The following RASAL2 variants were observed in gnomAD, a reference collection of about 807,000 sequenced individuals.
The protein encoded by RASAL2 is RAS protein activator like 2, also known as ras GTPase-activating protein nGAP.
Under a neutral mutation model 128.9 loss-of-function variants are expected in RASAL2, and 58 were observed. That is an observed-to-expected ratio of 0.45 (90% CI 0.36 to 0.56). The LOEUF is 0.56. RASAL2 is among the 20% of genes least tolerant of loss of function. RASAL2 has a pLI of 0.00. For synonymous variants in RASAL2, 561 were observed against 580.8 expected, an observed-to-expected ratio of 0.97 and a Z score of 0.49; for missense variants, 1,360 against 1,601.6, an observed-to-expected ratio of 0.85 and a Z score of 2.57.
intron 3 of RASAL2, among the ~76,000 whole-genome samples, chr1:178,328,795 A>G (rs1669157734): frequency 6.6e-6 from 1 of 152,186 alleles, no homozygotes; most frequent in African/African-American, 2.4e-5. Flanking sequence ...ATGACTTTAA[A>G]TCCACCTTAC....
chr1:178,224,224 A>T (rs1446412480), intron 1 of RASAL2, among the ~76,000 whole-genome samples: 4 of 143,316 alleles, frequency 2.8e-5, no homozygotes, highest in African/African-American at 7.6e-5. Context: ...GAAAACTAGA[A>T]TTTTTTTTTT....
chr1:178,166,089 T>C (rs916366431), intron 1 of RASAL2, among the ~76,000 whole-genome samples: 1 of 152,158 alleles, frequency 6.6e-6, no homozygotes, highest in Admixed American at 6.6e-5. Flanking sequence ...CAAAGCCAAA[T>C]TGATTGTTTC....
chr1:178,097,322 A>G (rs1344007693), intron 1 of RASAL2, among the ~76,000 whole-genome samples: 1 of 152,050 alleles, frequency 6.6e-6, no homozygotes, highest in East Asian at 1.9e-4. Context: ...AAGTTGTCTG[A>G]TTCTGTGGCT....
At chr1:178,249,019 C>T (rs549694703) in intron 1 of RASAL2, among the ~76,000 whole-genome samples, 31 of 152,032 alleles carry the variant, frequency 2.0e-4, no homozygotes, top group East Asian at 5.8e-4. Flanking sequence ...TATGTGTCTT[C>T]GGGTTGCTCT....
intron 3 of RASAL2, chr1:178,372,323 G>A (rs1671765874): frequency 1.7e-5 from 17 of 985,272 alleles, no homozygotes; most frequent in South Asian, 4.7e-5. Flanking sequence ...TCATTTCTGG[G>A]TACGGTAGGG....
intron 1 of RASAL2, among the ~76,000 whole-genome samples, chr1:178,163,788 T>C (rs1436642924): frequency 6.6e-6 from 1 of 152,214 alleles, no homozygotes; most frequent in Non-Finnish European, 1.5e-5. Context: ...CCATATGAGC[T>C]TATCAATTTC....
intron 1 of RASAL2, among the ~76,000 whole-genome samples, chr1:178,237,737 A>G (rs1664317293): frequency 6.6e-6 from 1 of 152,214 alleles, no homozygotes; most frequent in Non-Finnish European, 1.5e-5. Context: ...ATACCAAAAA[A>G]TTTACCACTT....
chr1:178,218,791 C>T (rs529912119), intron 1 of RASAL2, among the ~76,000 whole-genome samples: 36 of 152,320 alleles, frequency 2.4e-4, no homozygotes, highest in African/African-American at 5.8e-4. Flanking sequence ...ATAATTCATA[C>T]GGGCCCTAGG....
intron 1 of RASAL2, among the ~76,000 whole-genome samples, chr1:178,216,702 C>T (rs1469240448): frequency 6.6e-6 from 1 of 152,160 alleles, no homozygotes; most frequent in East Asian, 1.9e-4. Flanking sequence ...TGCAGTGGCA[C>T]GATCTTGGCT....
intron 3 of RASAL2, among the ~76,000 whole-genome samples, chr1:178,314,107 G>A (rs911297098): frequency 1.3e-5 from 2 of 152,052 alleles, no homozygotes; most frequent in African/African-American, 2.4e-5. Flanking sequence ...TATTTCTGCC[G>A]ATGAATTCAA....
chr1:178,368,271 C>T (rs1029459160), intron 3 of RASAL2, among the ~76,000 whole-genome samples: 1 of 152,158 alleles, frequency 6.6e-6, no homozygotes, highest in Non-Finnish European at 1.5e-5. Flanking sequence ...TTCGGTTTCT[C>T]ATCTGAAAAT....
At chr1:178,293,322 C>G (rs1487678123) in intron 2 of RASAL2, among the ~76,000 whole-genome samples, 1 of 152,178 alleles carries the variant, frequency 6.6e-6, no homozygotes, top group Admixed American at 6.5e-5. Context: ...TAAGATGCCA[C>G]TGGCAATGGG....
intron 1 of RASAL2, among the ~76,000 whole-genome samples, chr1:178,260,004 G>T (rs1665591110): frequency 1.3e-5 from 2 of 152,004 alleles, no homozygotes; most frequent in African/African-American, 2.4e-5. Context: ...TCTTACAAAT[G>T]ACCTGAAATG....
rs1158661015 is a variant in RASAL2, at chr1:178,478,613, A to G, written c.*5374A>G. 6.6e-6 allele frequency: 1 copy of G among 152,234 alleles called. No individual in the cohort carries two copies. The highest frequency in any genetic ancestry group is 1.5e-5 in the Non-Finnish European group (1 of 68,038). The allele number at this position is 152,234 out of a possible 1,614,324, so 9.4% of individuals were successfully genotyped here. On this transcript the variant is annotated 3_prime_UTR_variant, in exon 18 of 18. Transcript: ENST00000367649. ...AAGAAAGAGAAATACACCTTAGAAA[A>G]ACAAAACCCAAGATTTTATTTTATT...
intron 1 of RASAL2, among the ~76,000 whole-genome samples, chr1:178,267,622 C>CTTTT (rs1282624626): frequency 8.3e-6 from 1 of 120,524 alleles, no homozygotes; most frequent in African/African-American, 3.2e-5. Flanking sequence ...GATCTAGTGT[C>CTTTT]TTTTTTTTTT....
At chr1:178,395,728 C>T (rs1018383615) in intron 4 of RASAL2, among the ~76,000 whole-genome samples, 1 of 149,096 alleles carries the variant, frequency 6.7e-6, no homozygotes, top group Non-Finnish European at 1.5e-5. Context: ...GAGTTAAAAT[C>T]CATAATAGGA....
At chr1:178,469,650 A>G (rs1648078957) in intron 17 of RASAL2, among the ~76,000 whole-genome samples, 1 of 152,224 alleles carries the variant, frequency 6.6e-6, no homozygotes, top group Admixed American at 6.5e-5. Context: ...TTTTCAGTCC[A>G]TACTTCAAGA....
chr1:178,094,357 T>A lies in RASAL2; in HGVS notation c.-136T>A. The stretch of plus-strand genomic sequence containing the variant: ...GGGCGACGGGGAAGGAGGTGAGAGG[T>A]GTCCGCGCCGGCTGCCGCTCGGGTC... On this transcript the variant is annotated 5_prime_UTR_variant, in exon 1 of 18. Coordinates refer to ENST00000367649, the MANE Select transcript of RASAL2 (RefSeq NM_170692.4). The A allele has an allele frequency of 1.3e-6, 1 of 771,062 alleles. No individual in the cohort carries two copies. Among genetic ancestry groups the A allele is most frequent in the Non-Finnish European group, 2.0e-6 (1 of 510,132 alleles). The allele number at this position is 771,062 out of a possible 1,614,324, so 47.8% of individuals were successfully genotyped here.
intron 1 of RASAL2, among the ~76,000 whole-genome samples, chr1:178,214,962 A>C (rs1663379270): frequency 6.6e-6 from 1 of 152,202 alleles, no homozygotes; most frequent in African/African-American, 2.4e-5. Context: ...TGCATCGTGA[A>C]TTTATGGGTG....
Sources: allele counts gnomAD v4.1 joint callset (sites outside exome capture counted in the v4.1 genomes callset), GRCh38; gene constraint gnomAD v4.1.1; transcripts MANE v1.5; gene names NCBI Gene and HGNC (gene_info 2026-07-23, HGNC 2026-07-21).